TMC6: variants seen among roughly 807,000 people sequenced by gnomAD.
The protein encoded by TMC6 is transmembrane channel-like protein 6.
In TMC6, 71 loss-of-function variants were observed where a neutral mutation model predicts 95.4. The ratio of observed to expected loss-of-function variants is 0.74; its 90% CI spans 0.61 to 0.91. The LOEUF (loss-of-function observed/expected upper bound fraction) is 0.91. Among genes scored for constraint, TMC6 ranks in the 40% least tolerant of loss-of-function variants. The probability of loss-of-function intolerance (pLI) is 0.00; values close to 1 mark genes in which losing one functional copy is unlikely to be tolerated. For missense variants in TMC6, 1,074 were observed against 1,079.1 expected (o/e 1.00, Z 0.07); for synonymous variants, 514 against 483.1 (o/e 1.06, Z -0.84).
At chr17:78,114,996 C>G (rs1419966258) in intron 18 of TMC6, among the ~76,000 whole-genome samples, 1 of 152,244 alleles carries the variant, frequency 6.6e-6, no homozygotes, top group Non-Finnish European at 1.5e-5. Flanking sequence ...CCTGGGGGCT[C>G]TGAAATGCCA....
Position 78,122,437 on chromosome 17 carries a change from G to T in TMC6, c.1227+168C>A. On this transcript the variant is annotated intron_variant, in intron 10 of 19. Coordinates refer to ENST00000590602, the MANE Select transcript of TMC6 (RefSeq NM_001127198.5). The surrounding 1 kb of genome is among the most constrained non-coding windows in gnomAD (Gnocchi z 4.9). Reference sequence around the variant, plus strand: ...TGTGCCAGAGAAAAACTCAGGGCCTGCCCGTCACTGCAAGCAGAAGACCAC... The same window carrying T: ...TGTGCCAGAGAAAAACTCAGGGCCTTCCCGTCACTGCAAGCAGAAGACCAC... 2.0e-6 allele frequency: 2 copies of T among 987,214 alleles called. No individual in the cohort carries two copies. The highest frequency in any genetic ancestry group is 2.9e-6 in the Non-Finnish European group (2 of 682,850). 61.2% of individuals were successfully genotyped at this position (987,214 alleles called of 1,614,324 possible). A position where few individuals can be genotyped will look rare whatever the true frequency, so the allele number is the denominator to read the frequency against.
chr17:78,115,654 C>T (rs917105723), intron 18 of TMC6, among the ~76,000 whole-genome samples: 63 of 145,582 alleles, frequency 4.3e-4, no homozygotes, highest in East Asian at 8.2e-4. Flanking sequence ...AGGGAGTGGG[C>T]ACAGGGGCGA....
Position 78,112,878 on chromosome 17 carries a change from C to CCCCGG in TMC6, c.*265_*269dup, listed in dbSNP as rs1180903609. 3.9e-6 allele frequency: 2 copies of CCCCGG among 515,390 alleles called. No individual in the cohort carries two copies. The highest frequency in any genetic ancestry group is 6.8e-5 in the East Asian group (2 of 29,628). 31.9% of individuals were successfully genotyped at this position (515,390 alleles called of 1,614,324 possible). ...TGGCCCCAGGGCAGCGGGAAGCAGG[C>CCCCGG]CCCGGGTGTGGTCACAGACACAGAG... On this transcript the variant is annotated 3_prime_UTR_variant, in exon 20 of 20. Transcript: ENST00000590602.
chr17:78,109,793 A>G lies in TMC6; in HGVS notation c.*3355T>C. On this transcript the variant is annotated 3_prime_UTR_variant, in exon 20 of 20. Coordinates refer to ENST00000590602, the MANE Select transcript of TMC6 (RefSeq NM_001127198.5). ...TAAGATAATTCACATCCGGCCAGGC[A>G]TGGTGGCTCATGCCTGTAATCCCAG... The G allele has an allele frequency of 2.9e-6, 1 of 346,456 alleles. No homozygotes were observed. Among genetic ancestry groups the G allele is most frequent in the Non-Finnish European group, 5.7e-6 (1 of 174,652 alleles). The allele number at this position is 346,456 out of a possible 1,614,324, so 21.5% of individuals were successfully genotyped here. A position where few individuals can be genotyped will look rare whatever the true frequency, so the allele number is the denominator to read the frequency against.
intron 15 of TMC6, among the ~76,000 whole-genome samples, chr17:78,118,340 G>A (rs2074237839): frequency 6.6e-6 from 1 of 151,934 alleles, no homozygotes; most frequent in African/African-American, 2.4e-5. Context: ...GCGATCACAA[G>A]GTCAGGAGAT....
In TMC6 at chr17:78,109,553, C is replaced by T; in HGVS notation, c.*3595G>A. On this transcript the variant is annotated 3_prime_UTR_variant, in exon 20 of 20. Transcript: ENST00000590602. Reference sequence around the variant, plus strand: ...GGCTGAGGCGGGAGGATCACCTGAGCCCAGGAGGTCGAGGCTGCAGTGAGC... The same window carrying T: ...GGCTGAGGCGGGAGGATCACCTGAGTCCAGGAGGTCGAGGCTGCAGTGAGC... 2.2e-6 allele frequency: 1 copy of T among 454,696 alleles called. No individual in the cohort carries two copies. The highest frequency in any genetic ancestry group is 1.6e-5 in the South Asian group (1 of 64,474). 28.2% of individuals were successfully genotyped at this position (454,696 alleles called of 1,614,324 possible). A position where few individuals can be genotyped will look rare whatever the true frequency, so the allele number is the denominator to read the frequency against.
chr17:78,127,027 C>G lies in TMC6; in HGVS notation c.-74-121G>C. On this transcript the variant is annotated intron_variant, in intron 1 of 19. Coordinates refer to ENST00000590602, the MANE Select transcript of TMC6 (RefSeq NM_001127198.5). Reference sequence around the variant, plus strand: ...ACAGCCCAGACAGTCCCGCCCACCCCCCTATCACCCCAGGTACATAAATGG... The same window carrying G: ...ACAGCCCAGACAGTCCCGCCCACCCGCCTATCACCCCAGGTACATAAATGG... 4.5e-6 allele frequency: 3 copies of G among 662,992 alleles called. No individual in the cohort carries two copies. The Admixed American group carries it at 6.9e-5, about 15-fold the overall frequency. The allele number at this position is 662,992 out of a possible 1,614,324, so 41.1% of individuals were successfully genotyped here.
chr17:78,132,100 G>C (rs1444187048), upstream of TMC6: 1 of 1,531,622 alleles, frequency 6.5e-7, no homozygotes, highest in East Asian at 2.4e-5. Flanking sequence ...GGAAAAAGGA[G>C]AGTGGCATCA....
rs761879831 is a variant in TMC6 at position 78,117,281 on chromosome 17, C to T, written c.2265G>A (p.Glu755=). ...GQRKVICLLK[E]QISNEGEDKI... ...GAGGGGCACTCACATTGCTGATCTG[C>T]TCCTTGAGCAGGCAGATGACCTTGC... The change falls in exon 18 of 20, where the codon GAG becomes GAA. Residue 755 remains glutamate, a synonymous_variant. Coordinates refer to ENST00000590602, the MANE Select transcript of TMC6 (RefSeq NM_001127198.5). The T allele has an allele frequency of 2.5e-6, 4 of 1,613,420 alleles. No homozygotes were observed. The highest frequency in any genetic ancestry group is 3.4e-6 in the Non-Finnish European group (4 of 1,179,994).
Position 78,126,309 on chromosome 17 carries a change from C to A in TMC6, c.239G>T (p.Arg80Leu). ...PEGTQSTATL[R>L]ILASMPSRTI... Reference sequence around the variant, plus strand: ...GCGGCTGGGCATGCTGGCCAGGATGCGGAGTGTGGCCGTGCTCTGGGTGCC... The same window carrying A: ...GCGGCTGGGCATGCTGGCCAGGATGAGGAGTGTGGCCGTGCTCTGGGTGCC... The change falls in exon 4 of 20, where the codon CGC becomes CTC. Residue 80 changes from arginine (R) to leucine (L), a missense_variant. Transcript: ENST00000590602. 1 of 1,567,310 alleles carries A rather than the reference C, an allele frequency of 6.4e-7. No homozygotes were observed. The highest frequency in any genetic ancestry group is 1.2e-5 in the South Asian group (1 of 86,254).
chr17:78,122,911 C>A lies in TMC6; in HGVS notation c.1083-162G>T. ...TGCCACACCCCTGCCCCACCACCAG[C>A]CCTCTACACCAGTCTCATCCAACAT... is the stretch of plus-strand genomic sequence containing the variant. On this transcript the variant is annotated intron_variant, in intron 9 of 19. Coordinates refer to ENST00000590602, the MANE Select transcript of TMC6 (RefSeq NM_001127198.5). The surrounding 1 kb of genome is among the most constrained non-coding windows in gnomAD (Gnocchi z 4.9). The A allele has an allele frequency of 1.1e-6, 1 of 897,834 alleles. No individual in the cohort carries two copies. The highest frequency in any genetic ancestry group is 1.7e-6 in the Non-Finnish European group (1 of 575,844). The allele number at this position is 897,834 out of a possible 1,614,324, so 55.6% of individuals were successfully genotyped here. A position where few individuals can be genotyped will look rare whatever the true frequency, so the allele number is the denominator to read the frequency against.
Position 78,121,236 on chromosome 17 carries a change from G to A in TMC6, c.1384-72C>T. 1 of 1,539,708 alleles carries A rather than the reference G, an allele frequency of 6.5e-7. No homozygotes were observed. The highest frequency in any genetic ancestry group is 8.7e-7 in the Non-Finnish European group (1 of 1,146,154). On this transcript the variant is annotated intron_variant, in intron 11 of 19. Transcript: ENST00000590602. This position sits in a 1 kb window ranked among gnomAD's most constrained non-coding sequence, Gnocchi z 5.6. ...TGGGAGCGGGCAGCTACAGGGAAGG[G>A]CCCGGGGTGGAACTGGCAGGTAGCA...
intron 4 of TMC6, 24 bp from the exon 5 acceptor site, chr17:78,125,908 C>T (rs1425510896): frequency 5.2e-6 from 8 of 1,549,888 alleles, no homozygotes; most frequent in Admixed American, 2.0e-5. Flanking sequence ...TGGGCAGGGC[C>T]GGGCCGGGCA....
At chr17:78,132,269 C>A (rs1236531860), upstream of TMC6, 4 of 1,524,276 alleles carry the variant, frequency 2.6e-6, no homozygotes, top group Non-Finnish European at 3.6e-6. Flanking sequence ...GCGGGCACCC[C>A]ACGCCGTCCG....
chr17:78,130,945 C>A, upstream of TMC6: 1 of 165,252 alleles, frequency 6.1e-6, no homozygotes, highest in Non-Finnish European at 1.3e-5. Flanking sequence ...GTCCCTGCTC[C>A]TGTCCCCACG....
rs546887026 is a variant in TMC6, at chr17:78,116,601, T to C, written c.2277+668A>G. 6.6e-4 allele frequency among the ~76,000 whole-genome samples: 100 copies of C among 152,214 alleles called. 1 individual carries two copies. The highest frequency in any genetic ancestry group is 2.3e-3 in the African/African-American group (97 of 41,566). ...AACATTGTTTTCTTCATAAAAATGT[T>C]TTGGCCAGGCACGGTGGCTCATGCC... On this transcript the variant is annotated intron_variant, in intron 18 of 19. Coordinates refer to ENST00000590602, the MANE Select transcript of TMC6 (RefSeq NM_001127198.5).
At position 78,117,308 on chromosome 17, in the gene TMC6, C is replaced by T. The variant is rs2074173478; in HGVS notation, c.2238G>A (p.Gln746=). 6.2e-7 allele frequency: 1 copy of T among 1,613,368 alleles called. No individual in the cohort carries two copies. ...IYLNIQVVRG[Q]RKVICLLKEQ... ...CCTTGAGCAGGCAGATGACCTTGCG[C>T]TGGCCCCGCACCACCTGGATGTTGA... The change falls in exon 18 of 20, where the codon CAG becomes CAA. Residue 746 remains glutamine (Q), a synonymous_variant. Transcript: ENST00000590602.
rs551636536 is a variant in TMC6, at chr17:78,109,313, G to A, written c.*3835C>T. 87 of 375,846 alleles carry A rather than the reference G, an allele frequency of 2.3e-4. 1 individual carries two copies. Among genetic ancestry groups the A allele is most frequent in the Admixed American group, 2.1e-3 (65 of 30,544 alleles). The allele number at this position is 375,846 out of a possible 1,614,324, so 23.3% of individuals were successfully genotyped here. On this transcript the variant is annotated 3_prime_UTR_variant, in exon 20 of 20. Coordinates refer to ENST00000590602, the MANE Select transcript of TMC6 (RefSeq NM_001127198.5). ...GAAAACAGAGACAGTGGGGCATCCC[G>A]AGAAGATCCTCTGCAGGAGTGCGGT...
intron 18 of TMC6, among the ~76,000 whole-genome samples, chr17:78,115,255 C>T (rs778896248): frequency 9.9e-5 from 15 of 152,160 alleles, no homozygotes; most frequent in African/African-American, 1.4e-4. Flanking sequence ...ACATGGCTGC[C>T]GAGGCCCACT....
Sources: allele counts gnomAD v4.1 joint callset (sites outside exome capture counted in the v4.1 genomes callset), GRCh38; gene constraint gnomAD v4.1.1; non-coding constraint Gnocchi (gnomAD v3.1); transcripts MANE v1.5; gene names NCBI Gene and HGNC (gene_info 2026-07-23, HGNC 2026-07-21).